The following AXDND1 variants were observed in gnomAD, a reference collection of about 807,000 sequenced individuals.
AXDND1 encodes axonemal dynein light chain domain containing 1, also known as axonemal dynein light chain domain-containing protein 1.
Under a neutral mutation model 137.5 loss-of-function variants are expected in AXDND1, and 110 were observed. The ratio of observed to expected loss-of-function variants is 0.80; its 90% CI spans 0.69 to 0.94. AXDND1 has a LOEUF of 0.94. Among genes scored for constraint, AXDND1 ranks in the 40% least tolerant of loss-of-function variants. AXDND1 has a pLI of 0.00. For synonymous variants in AXDND1, 414 were observed against 399.7 expected (o/e 1.04, Z -0.43); for missense variants, 1,191 against 1,169.8 (o/e 1.02, Z -0.26).
chr1:179,389,088 C>G (rs1649712098), intron 9 of AXDND1, among the ~76,000 whole-genome samples: 1 of 151,456 alleles, frequency 6.6e-6, no homozygotes, highest in South Asian at 2.1e-4. Flanking sequence ...ATTCTCCCGC[C>G]TCAGCCTCCT....
chr1:179,418,152 G>A (rs995922602), intron 12 of AXDND1, among the ~76,000 whole-genome samples: 9 of 151,818 alleles, frequency 5.9e-5, no homozygotes, highest in Non-Finnish European at 8.8e-5. Context: ...CGCAGTGTTT[G>A]TGTCCCTGGG....
chr1:179,447,664 A>G, intron 16 of AXDND1: 1 of 1,349,766 alleles, frequency 7.4e-7, no homozygotes, highest in Non-Finnish European at 1.1e-6. Flanking sequence ...TCCACTGTTC[A>G]TTCCAAGATT....
intron 17 of AXDND1, among the ~76,000 whole-genome samples, chr1:179,482,640 C>G (rs72704407): frequency 0.093 from 14,053 of 151,780 alleles, 915 homozygotes; most frequent in African/African-American, 0.17. Context: ...TAGATTTTCT[C>G]GAATAGATGT....
chr1:179,493,773 C>T (rs546354302), intron 20 of AXDND1, among the ~76,000 whole-genome samples: 2 of 152,262 alleles, frequency 1.3e-5, no homozygotes, highest in South Asian at 4.2e-4. Context: ...ACCCCTGTTA[C>T]CCTGCTTTGA....
In AXDND1 at chr1:179,486,139, A is replaced by AAAAAAAAAAAAAAAAAAAAAAAAAAACT. The variant is rs149119239; in HGVS notation, c.2091+2920_2091+2921insAAAAAAAAAAAAAAAAAAAAAAAACTAA. Among the ~76,000 whole-genome samples the AAAAAAAAAAAAAAAAAAAAAAAAAAACT allele has an allele frequency of 6.0e-4, 53 of 87,770 alleles. 9 individuals are homozygous for AAAAAAAAAAAAAAAAAAAAAAAAAAACT. The highest frequency in any genetic ancestry group is 5.9e-3 in the East Asian group (10 of 1,704). 57.6% of individuals were successfully genotyped at this position (87,770 alleles called of 152,430 possible). On this transcript the variant is annotated intron_variant, in intron 18 of 25. Transcript: ENST00000367618. ...TGTCTCAAAAAAAAAAAAAAAAAAA[A>AAAAAAAAAAAAAAAAAAAAAAAAAAACT]AACCTGATAGAAATGAAAAACACAC...
intron 18 of AXDND1, among the ~76,000 whole-genome samples, chr1:179,487,055 T>C (rs28508518): frequency 0.11 from 16,338 of 148,630 alleles, 1,994 homozygotes; most frequent in East Asian, 0.35. Context: ...CCTAATAGTT[T>C]GCTGTCTTCA....
intron 20 of AXDND1, among the ~76,000 whole-genome samples, chr1:179,507,546 C>T (rs1372581201): frequency 7.2e-5 from 11 of 152,168 alleles, no homozygotes; most frequent in Admixed American, 7.2e-4. Context: ...GTGATAGAAA[C>T]TCACACTGGC....
At chr1:179,388,011 T>G (rs1056920899) in intron 9 of AXDND1, among the ~76,000 whole-genome samples, 2 of 152,346 alleles carry the variant, frequency 1.3e-5, no homozygotes, top group East Asian at 3.9e-4. Flanking sequence ...CTCTCTAGAC[T>G]GTTAACTCTG....
intron 17 of AXDND1, among the ~76,000 whole-genome samples, chr1:179,473,364 G>A (rs12135611): frequency 0.14 from 20,928 of 151,872 alleles, 1,581 homozygotes; most frequent in East Asian, 0.35. Flanking sequence ...TGGGTGTGGT[G>A]GTGGGTGCCT....
chr1:179,485,382 T>A (rs996739567), intron 18 of AXDND1, among the ~76,000 whole-genome samples: 5 of 152,210 alleles, frequency 3.3e-5, no homozygotes, highest in Non-Finnish European at 7.3e-5. Context: ...GGGGACCTGA[T>A]ACCAGACCCT....
At chr1:179,442,987 G>A (rs1231230455) in intron 15 of AXDND1, among the ~76,000 whole-genome samples, 1 of 152,152 alleles carries the variant, frequency 6.6e-6, no homozygotes, top group Non-Finnish European at 1.5e-5. Context: ...AAGAGATAGC[G>A]AGAAAGGGGG....
At chr1:179,499,833 T>C (rs563500675) in intron 20 of AXDND1, among the ~76,000 whole-genome samples, 15 of 152,160 alleles carry the variant, frequency 9.9e-5, no homozygotes, top group African/African-American at 2.9e-4. Flanking sequence ...CACAAACATT[T>C]GAAAATTTAG....
rs1666549413 is a variant in AXDND1 at position 179,489,138 on chromosome 1, A to AC, written c.2092-2400_2092-2399insC. On this transcript the variant is annotated intron_variant, in intron 18 of 25. Transcript: ENST00000367618. ...TCTTTTCACAAAAGAAAAGCAGTCA[A>AC]TTCATCTTAAAATGTCTTTTAAGAA... Among the ~76,000 whole-genome samples the AC allele has an allele frequency of 1.6e-5, 2 of 125,764 alleles. 1 individual carries two copies. Among genetic ancestry groups the AC allele is most frequent in the African/African-American group, 7.1e-5 (2 of 28,284 alleles). 82.5% of individuals were successfully genotyped at this position (125,764 alleles called of 152,430 possible). A position where few individuals can be genotyped will look rare whatever the true frequency, so the allele number is the denominator to read the frequency against.
intron 23 of AXDND1, among the ~76,000 whole-genome samples, chr1:179,530,373 T>TA (rs1168383811): frequency 6.6e-6 from 1 of 152,174 alleles, no homozygotes; most frequent in African/African-American, 2.4e-5. Flanking sequence ...AGAAGCTTTT[T>TA]ATCTGCTAAC....
At chr1:179,529,061 A>G (rs909948767) in intron 23 of AXDND1, among the ~76,000 whole-genome samples, 9 of 152,246 alleles carry the variant, frequency 5.9e-5, no homozygotes, top group Non-Finnish European at 1.2e-4. Context: ...ACTTAGAGAC[A>G]GTAGCTGTGG....
chr1:179,488,634 C>CTTTTCTTTCTTTCTTTCTTTCTTTCT lies in AXDND1; in HGVS notation c.2092-2904_2092-2903insTTTTCTTTCTTTCTTTCTTTCTTTCT, dbSNP rs376189496. 1.0e-3 allele frequency among the ~76,000 whole-genome samples: 110 copies of CTTTTCTTTCTTTCTTTCTTTCTTTCT among 105,232 alleles called. 12 individuals are homozygous for CTTTTCTTTCTTTCTTTCTTTCTTTCT. The highest frequency in any genetic ancestry group is 3.2e-3 in the African/African-American group (81 of 25,642). 69.0% of individuals were successfully genotyped at this position (105,232 alleles called of 152,430 possible). ...TTTCTTTCTTTCTCTCTCTCTCTCT[C>CTTTTCTTTCTTTCTTTCTTTCTTTCT]CTTTCTTTCTTTCTTTCTTTCTTTC... On this transcript the variant is annotated intron_variant, in intron 18 of 25. Transcript: ENST00000367618.
chr1:179,538,788 G>A (rs1289887830), intron 25 of AXDND1, among the ~76,000 whole-genome samples: 1 of 151,508 alleles, frequency 6.6e-6, no homozygotes, highest in East Asian at 1.9e-4. Flanking sequence ...TATTAACAGT[G>A]GGGTGTTAAA....
At chr1:179,387,078 G>T (rs1180127102) in intron 9 of AXDND1, among the ~76,000 whole-genome samples, 5 of 152,088 alleles carry the variant, frequency 3.3e-5, no homozygotes, top group African/African-American at 1.2e-4. Context: ...GGTTTTGTCT[G>T]TTAATTCTAC....
At chr1:179,430,990 G>A (rs10913752) in intron 14 of AXDND1, among the ~76,000 whole-genome samples, 44,660 of 151,940 alleles carry the variant, frequency 0.29, 6,781 homozygotes, top group Non-Finnish European at 0.31. Context: ...GGTTTTGATC[G>A]GATATCATAC....
Sources: allele counts gnomAD v4.1 joint callset (sites outside exome capture counted in the v4.1 genomes callset), GRCh38; gene constraint gnomAD v4.1.1; transcripts MANE v1.5; gene names NCBI Gene and HGNC (gene_info 2026-07-23, HGNC 2026-07-21).